The following KIAA1328 variants were observed in gnomAD, a reference collection of about 807,000 sequenced individuals.
The protein encoded by KIAA1328 is KIAA1328.
Under a neutral mutation model 68.1 loss-of-function variants are expected in KIAA1328, and 52 were observed. The ratio of observed to expected loss-of-function variants is 0.76; its 90% CI spans 0.61 to 0.96. KIAA1328 has a LOEUF of 0.96. KIAA1328 is among the 40% of genes least tolerant of loss of function. The probability of loss-of-function intolerance (pLI) is 0.00; values close to 1 mark genes in which losing one functional copy is unlikely to be tolerated. For synonymous variants in KIAA1328, 232 were observed against 239.4 expected, an observed-to-expected ratio of 0.97 and a Z score of 0.28; for missense variants, 641 against 677.6, an observed-to-expected ratio of 0.95 and a Z score of 0.60.
At chr18:36,945,394 C>T (rs571287907) in intron 5 of KIAA1328, among the ~76,000 whole-genome samples, 11 of 152,132 alleles carry the variant, frequency 7.2e-5, no homozygotes, top group African/African-American at 2.4e-4. Context: ...AATAACCGCC[C>T]CCCCCACGAA....
chr18:37,062,940 C>T (rs927444891), intron 6 of KIAA1328, among the ~76,000 whole-genome samples: 1 of 152,000 alleles, frequency 6.6e-6, no homozygotes, highest in South Asian at 2.1e-4. Context: ...TACCTCACAA[C>T]GGTTTCTGTG....
intron 6 of KIAA1328, 105 bp downstream of exon 6, chr18:36,959,540 T>G: frequency 8.0e-7 from 1 of 1,249,220 alleles, no homozygotes; most frequent in Non-Finnish European, 1.1e-6. Flanking sequence ...TAATATTGTT[T>G]TAAAACATGT....
intron 5 of KIAA1328, among the ~76,000 whole-genome samples, chr18:36,923,359 G>T (rs2049998958): frequency 1.3e-5 from 2 of 152,036 alleles, no homozygotes; most frequent in South Asian, 4.1e-4. Context: ...AGACAATGAA[G>T]CCAACCTGGC....
intron 6 of KIAA1328, among the ~76,000 whole-genome samples, chr18:36,961,798 A>C (rs991189137): frequency 6.6e-6 from 1 of 152,220 alleles, no homozygotes; most frequent in Non-Finnish European, 1.5e-5. Flanking sequence ...CCTGCCTTAC[A>C]AGAGCTCCTG....
intron 5 of KIAA1328, among the ~76,000 whole-genome samples, chr18:36,890,656 G>A (rs898480078): frequency 6.6e-6 from 1 of 152,154 alleles, no homozygotes; most frequent in African/African-American, 2.4e-5. Context: ...AGGTGACAAA[G>A]TGAGGCTCCA....
chr18:37,027,745 G>T (rs1441060181), intron 6 of KIAA1328, among the ~76,000 whole-genome samples: 1 of 151,996 alleles, frequency 6.6e-6, no homozygotes, highest in Non-Finnish European at 1.5e-5. Context: ...TTACATGTTA[G>T]ACCTAAAACC....
At chr18:36,993,405 A>T (rs1024685362) in intron 6 of KIAA1328, among the ~76,000 whole-genome samples, 5 of 152,238 alleles carry the variant, frequency 3.3e-5, no homozygotes, top group African/African-American at 1.2e-4. Context: ...AAAGCATGGA[A>T]GATCCAATCT....
chr18:37,018,212 C>T (rs574032507), intron 6 of KIAA1328, among the ~76,000 whole-genome samples: 12 of 152,144 alleles, frequency 7.9e-5, no homozygotes, highest in Admixed American at 1.3e-4. Context: ...TCTCCTTTAC[C>T]GCACAAACTG....
chr18:37,216,107 T>C (rs2060426536), intron 9 of KIAA1328, among the ~76,000 whole-genome samples: 1 of 152,206 alleles, frequency 6.6e-6, no homozygotes, highest in Non-Finnish European at 1.5e-5. Context: ...GCTCCTGGAT[T>C]CATTGATTTT....
At chr18:36,864,127 C>T (rs2047660571) in intron 4 of KIAA1328, among the ~76,000 whole-genome samples, 1 of 152,028 alleles carries the variant, frequency 6.6e-6, no homozygotes, top group South Asian at 2.1e-4. Flanking sequence ...ACCATTATTC[C>T]TAGTTTTATA....
chr18:36,953,874 G>A (rs971493639), intron 5 of KIAA1328, among the ~76,000 whole-genome samples: 1 of 151,918 alleles, frequency 6.6e-6, no homozygotes, highest in Non-Finnish European at 1.5e-5. Flanking sequence ...TGTGTCTTTG[G>A]TCTCTTAATC....
At chr18:37,112,092 G>C (rs1445229697) in intron 7 of KIAA1328, among the ~76,000 whole-genome samples, 1 of 152,174 alleles carries the variant, frequency 6.6e-6, no homozygotes, top group Non-Finnish European at 1.5e-5. Context: ...TCCACCTCCG[G>C]GGGCAAGGCA....
chr18:37,082,564 G>C (rs187968445), intron 7 of KIAA1328, among the ~76,000 whole-genome samples: 1 of 152,252 alleles, frequency 6.6e-6, no homozygotes, highest in Non-Finnish European at 1.5e-5. Flanking sequence ...GAAAAATATT[G>C]GGAAGGCAAT....
intron 5 of KIAA1328, among the ~76,000 whole-genome samples, chr18:36,900,026 A>T (rs991796974): frequency 1.3e-5 from 2 of 151,944 alleles, no homozygotes; most frequent in Non-Finnish European, 2.9e-5. Context: ...GATTTCTGTT[A>T]TATTAGACAG....
chr18:36,926,643 C>T (rs550010048), intron 5 of KIAA1328, among the ~76,000 whole-genome samples: 123 of 152,198 alleles, frequency 8.1e-4, no homozygotes, highest in Non-Finnish European at 1.6e-3. Flanking sequence ...TATTAAGGTC[C>T]ACCTCCTAAA....
At chr18:36,900,618 C>T (rs560932164) in intron 5 of KIAA1328, among the ~76,000 whole-genome samples, 2 of 151,798 alleles carry the variant, frequency 1.3e-5, no homozygotes, top group South Asian at 2.1e-4. Context: ...TCCCATTAAC[C>T]GCCATCAGGG....
intron 7 of KIAA1328, among the ~76,000 whole-genome samples, chr18:37,156,134 C>T (rs1342964924): frequency 6.6e-6 from 1 of 151,984 alleles, no homozygotes. Context: ...GGGCCGGGCT[C>T]GGTGGCTCAC....
chr18:37,124,860 C>T (rs913147930), intron 7 of KIAA1328, among the ~76,000 whole-genome samples: 1 of 152,124 alleles, frequency 6.6e-6, no homozygotes, highest in Non-Finnish European at 1.5e-5. Flanking sequence ...GCTTCTTATG[C>T]ATCAAGGAAA....
intron 5 of KIAA1328, among the ~76,000 whole-genome samples, chr18:36,953,021 C>A (rs940364235): frequency 6.6e-6 from 1 of 151,672 alleles, no homozygotes; most frequent in East Asian, 1.9e-4. Flanking sequence ...AAAAGTTTTC[C>A]TGCAATGTTT....
Sources: gnomAD v4.1 joint callset for allele counts (sites outside exome capture counted in the v4.1 genomes callset) on GRCh38, gnomAD v4.1.1 for gene constraint, MANE v1.5 for transcripts, NCBI Gene and HGNC (gene_info 2026-07-23, HGNC 2026-07-21) for gene names.